The following LRRC37A2 variants were observed in gnomAD, a reference collection of about 807,000 sequenced individuals.
The protein encoded by LRRC37A2 is leucine rich repeat containing 37 member A2.
Under a neutral mutation model 68.8 loss-of-function variants are expected in LRRC37A2, and 9 were observed. That is an observed-to-expected ratio of 0.13 (90% confidence interval 0.08 to 0.23). The LOEUF (loss-of-function observed/expected upper bound fraction) is 0.23, where lower values mean the gene tolerates loss of function less well. LRRC37A2 is among the 10% of genes least tolerant of loss of function. The pLI is 1.00. For synonymous variants in LRRC37A2, 63 were observed against 367.6 expected (o/e 0.17, Z 9.48); for missense variants, 168 against 950.4 (o/e 0.18, Z 10.82).
the LRRC37A2 span, among the ~76,000 whole-genome samples, chr17:46,907,848 C>T: frequency 2.0e-5 from 3 of 151,174 alleles, no homozygotes; most frequent in African/African-American, 7.3e-5. Flanking sequence ...AGAGTGAGAC[C>T]CTGTCTTAAA....
chr17:46,500,455 G>A, the LRRC37A2 span, among the ~76,000 whole-genome samples: 2 of 149,338 alleles, frequency 1.3e-5, no homozygotes, highest in African/African-American at 2.5e-5. Flanking sequence ...GTAGATTTGA[G>A]TTGCATTTGG....
the LRRC37A2 span, among the ~76,000 whole-genome samples, chr17:46,473,727 C>T: frequency 1.7e-5 from 1 of 60,130 alleles, no homozygotes; most frequent in Non-Finnish European, 3.7e-5. Flanking sequence ...GAAACCCCGT[C>T]TCTACTAAAA....
chr17:46,880,819 A>G, the LRRC37A2 span, among the ~76,000 whole-genome samples: 1 of 152,128 alleles, frequency 6.6e-6, no homozygotes, highest in Non-Finnish European at 1.5e-5. Context: ...GAAATAATCC[A>G]TCCTGGATTA....
At chr17:47,020,187 C>T in the LRRC37A2 span, among the ~76,000 whole-genome samples, 2 of 149,658 alleles carry the variant, frequency 1.3e-5, no homozygotes, top group Non-Finnish European at 2.9e-5. Context: ...GAACCCAGAT[C>T]TATTTATTAG....
chr17:46,721,778 A>G, the LRRC37A2 span: 3 of 1,602,872 alleles, frequency 1.9e-6, no homozygotes, highest in African/African-American at 4.0e-5. Flanking sequence ...CAAGTCCTCA[A>G]GGAAGGCATC....
chr17:46,979,140 G>T, the LRRC37A2 span: 1 of 1,006,728 alleles, frequency 9.9e-7, no homozygotes, highest in Non-Finnish European at 1.3e-6. Context: ...GAAGGCGGGA[G>T]GCTGGCTGCC....
At chr17:46,759,110 A>T in the LRRC37A2 span, among the ~76,000 whole-genome samples, 1 of 152,212 alleles carries the variant, frequency 6.6e-6, no homozygotes, top group African/African-American at 2.4e-5. Context: ...AGGATGAGGC[A>T]GGAGAATTGC....
At chr17:46,791,445 G>T in the LRRC37A2 span, among the ~76,000 whole-genome samples, 1 of 152,034 alleles carries the variant, frequency 6.6e-6, no homozygotes, top group African/African-American at 2.4e-5. Context: ...GACCTCAAGT[G>T]ATCCGCCCGC....
chr17:47,037,268 C>A, the LRRC37A2 span, among the ~76,000 whole-genome samples: 1 of 152,090 alleles, frequency 6.6e-6, no homozygotes, highest in Non-Finnish European at 1.5e-5. Flanking sequence ...CAAGCCTGGG[C>A]AACAGAGTGA....
At chr17:46,947,389 C>T in the LRRC37A2 span, among the ~76,000 whole-genome samples, 1 of 152,196 alleles carries the variant, frequency 6.6e-6, no homozygotes, top group African/African-American at 2.4e-5. Context: ...GTGAAACCAC[C>T]AACCAGGCGG....
the LRRC37A2 span, among the ~76,000 whole-genome samples, chr17:47,016,129 G>C: frequency 1.8e-4 from 28 of 152,060 alleles, no homozygotes; most frequent in South Asian, 1.9e-3. Context: ...ATTTTTAGTA[G>C]AGATGGAGTT....
the LRRC37A2 span, among the ~76,000 whole-genome samples, chr17:46,771,874 C>G: frequency 6.9e-6 from 1 of 144,942 alleles, no homozygotes; most frequent in South Asian, 2.1e-4. Flanking sequence ...CAGGCCCCTC[C>G]GGCGCCCGCC....
the LRRC37A2 span, among the ~76,000 whole-genome samples, chr17:47,038,953 C>A: frequency 7.0e-6 from 1 of 143,162 alleles, no homozygotes; most frequent in African/African-American, 2.5e-5. Context: ...CTCAGCCTCC[C>A]AAAGTGCTGG....
the LRRC37A2 span, among the ~76,000 whole-genome samples, chr17:47,014,877 G>T: frequency 3.3e-5 from 5 of 152,010 alleles, no homozygotes; most frequent in African/African-American, 1.2e-4. Flanking sequence ...TTTTGCCGAA[G>T]ATCTTTCTGT....
At chr17:46,811,878 A>T in the LRRC37A2 span, among the ~76,000 whole-genome samples, 1 of 151,728 alleles carries the variant, frequency 6.6e-6, no homozygotes, top group African/African-American at 2.4e-5. Flanking sequence ...AATTGCTTGA[A>T]CTCGGGAGGC....
chr17:46,769,322 AAAAAAAAAAAG>A, the LRRC37A2 span, among the ~76,000 whole-genome samples: 2 of 152,016 alleles, frequency 1.3e-5, no homozygotes, highest in Non-Finnish European at 2.9e-5. Context: ...TCTCAAAAAA[AAAAAAAAAAAG>A]AAAAGAAAAA....
the LRRC37A2 span, among the ~76,000 whole-genome samples, chr17:46,568,513 G>A: frequency 5.4e-5 from 6 of 110,314 alleles, no homozygotes; most frequent in African/African-American, 1.1e-4. Context: ...AAAAAAAAAA[G>A]AGGGGGGGAG....
chr17:46,760,553 G>A, the LRRC37A2 span, among the ~76,000 whole-genome samples: 1 of 149,710 alleles, frequency 6.7e-6, no homozygotes, highest in African/African-American at 2.5e-5. Flanking sequence ...GAGGTCACTT[G>A]AGCCCAGGAG....
chr17:46,792,996 G>C, the LRRC37A2 span, among the ~76,000 whole-genome samples: 1 of 151,908 alleles, frequency 6.6e-6, no homozygotes, highest in East Asian at 1.9e-4. Flanking sequence ...TGAGGGAGGT[G>C]GCTCACACCT....
Sources: gnomAD v4.1 joint callset for allele counts (sites outside exome capture counted in the v4.1 genomes callset) on GRCh38, gnomAD v4.1.1 for gene constraint, MANE v1.5 for transcripts, NCBI Gene and HGNC (gene_info 2026-07-23, HGNC 2026-07-21) for gene names.